The following PIK3C2G variants were observed in gnomAD, a reference collection of about 807,000 sequenced individuals.
The protein encoded by PIK3C2G is phosphatidylinositol 3-kinase C2 domain-containing subunit gamma.
A neutral mutation model predicts 181.1 loss-of-function variants in PIK3C2G; 168 were observed. The ratio of observed to expected loss-of-function variants is 0.93; its 90% CI spans 0.82 to 1.05. The LOEUF is 1.05. Ranked by LOEUF, PIK3C2G falls within the 50% of genes least tolerant of loss-of-function variation. The pLI, the probability that PIK3C2G is intolerant of heterozygous loss-of-function variation, is 0.00. For missense variants in PIK3C2G, 1,869 were observed against 1,732.8 expected (o/e 1.08, Z -1.40); for synonymous variants, 573 against 592.2 (o/e 0.97, Z 0.47).
chr12:18,476,071 C>T (rs11044133), intron 18 of PIK3C2G, among the ~76,000 whole-genome samples: 12,173 of 152,000 alleles, frequency 0.08, 674 homozygotes, highest in Non-Finnish European at 0.12. Context: ...AACTAAAACA[C>T]GATTTTTAAA....
chr12:18,669,077 A>G, the PIK3C2G span, among the ~76,000 whole-genome samples: 1 of 152,186 alleles, frequency 6.6e-6, no homozygotes, highest in Non-Finnish European at 1.5e-5. Context: ...TCTGTTCTGC[A>G]TTTTCATGGT....
At chr12:18,534,146 C>T (rs1943713477) in intron 24 of PIK3C2G, among the ~76,000 whole-genome samples, 1 of 151,510 alleles carries the variant, frequency 6.6e-6, no homozygotes, top group South Asian at 2.1e-4. Flanking sequence ...GATAGGGTTT[C>T]ACCATGTTGC....
At chr12:18,560,137 A>T (rs1945272627) in intron 26 of PIK3C2G, among the ~76,000 whole-genome samples, 1 of 150,848 alleles carries the variant, frequency 6.6e-6, no homozygotes, top group African/African-American at 2.4e-5. Flanking sequence ...GGCCAAAATA[A>T]TTTTTTTTTA....
At chr12:18,544,197 T>C (rs1426250376) in intron 25 of PIK3C2G, among the ~76,000 whole-genome samples, 1 of 151,744 alleles carries the variant, frequency 6.6e-6, no homozygotes, top group East Asian at 1.9e-4. Context: ...GTGTAGTAAA[T>C]GAAGGTAACC....
At chr12:18,531,814 G>A (rs1275953447) in intron 24 of PIK3C2G, among the ~76,000 whole-genome samples, 1 of 152,042 alleles carries the variant, frequency 6.6e-6, no homozygotes, top group Non-Finnish European at 1.5e-5. Flanking sequence ...GCATTTTCTG[G>A]CTATTAAGAA....
chr12:18,599,695 AAT>A (rs1947600193), intron 30 of PIK3C2G, among the ~76,000 whole-genome samples: 2 of 151,012 alleles, frequency 1.3e-5, no homozygotes, highest in African/African-American at 4.8e-5. Flanking sequence ...AAAAAATAAA[AAT>A]AAAAATAAAG....
At chr12:18,336,106 C>T (rs1591988720) in intron 8 of PIK3C2G, among the ~76,000 whole-genome samples, 1 of 152,126 alleles carries the variant, frequency 6.6e-6, no homozygotes, top group Middle Eastern at 3.4e-3. Context: ...TTTCATTTCT[C>T]TTATAAACTG....
intron 18 of PIK3C2G, among the ~76,000 whole-genome samples, chr12:18,474,062 G>A (rs774290728): frequency 2.0e-4 from 31 of 152,100 alleles, no homozygotes; most frequent in Admixed American, 6.6e-5. Context: ...TATTCAAACT[G>A]CCTATTTTTG....
chr12:18,716,097 A>T, the PIK3C2G span, among the ~76,000 whole-genome samples: 7,095 of 152,222 alleles, frequency 0.047, 390 homozygotes, highest in African/African-American at 0.13. Flanking sequence ...AACAATGTTT[A>T]TTTGTAAAGT....
chr12:18,379,290 C>A (rs1942674853), intron 13 of PIK3C2G, among the ~76,000 whole-genome samples: 1 of 145,272 alleles, frequency 6.9e-6, no homozygotes. Context: ...CACATGTTCT[C>A]ACTCATAGGT....
rs1941633305 is a variant in PIK3C2G, at chr12:18,503,435, T to A, written c.3153+18T>A. Reference sequence around the variant, plus strand: ...ATGAAAAGGTTTGTCCTGTTGCAGATCATTTTAAATAATGTACTTAAATAA... The same window carrying A: ...ATGAAAAGGTTTGTCCTGTTGCAGAACATTTTAAATAATGTACTTAAATAA... On this transcript the variant is annotated intron_variant, in intron 23 of 32. Coordinates refer to ENST00000538779, the MANE Select transcript of PIK3C2G (RefSeq NM_001288772.2). The A allele has an allele frequency of 1.3e-6, 2 of 1,552,234 alleles. No homozygotes were observed. The highest frequency in any genetic ancestry group is 1.7e-6 in the Non-Finnish European group (2 of 1,145,788).
chr12:18,648,153 A>G lies in PIK3C2G; in HGVS notation c.*125A>G. ...AGCACAGGGTATTAAGGACACAGAAAAAAAATCAGAATTAGTCTTTTGTGT... is the reference window on the plus strand; with the variant it reads ...AGCACAGGGTATTAAGGACACAGAAGAAAAATCAGAATTAGTCTTTTGTGT... On this transcript the variant is annotated 3_prime_UTR_variant, in exon 33 of 33. Transcript: ENST00000538779. The G allele has an allele frequency of 2.2e-6, 1 of 447,968 alleles. No homozygotes were observed. The highest frequency in any genetic ancestry group is 7.5e-5 in the South Asian group (1 of 13,264). The allele number at this position is 447,968 out of a possible 1,614,324, so 27.7% of individuals were successfully genotyped here. A position where few individuals can be genotyped will look rare whatever the true frequency, so the allele number is the denominator to read the frequency against.
the PIK3C2G span, among the ~76,000 whole-genome samples, chr12:18,685,868 ACATAC>A: frequency 2.1e-5 from 3 of 140,632 alleles, no homozygotes; most frequent in South Asian, 2.3e-4. Flanking sequence ...ACACACACAC[ACATAC>A]AATAATATGG....
the PIK3C2G span, among the ~76,000 whole-genome samples, chr12:18,687,420 A>G: frequency 2.0e-5 from 3 of 152,164 alleles, no homozygotes; most frequent in Admixed American, 6.6e-5. Flanking sequence ...GTCTCCTTCA[A>G]GGTGATCCTG....
the PIK3C2G span, among the ~76,000 whole-genome samples, chr12:18,676,743 T>C: frequency 1.3e-5 from 2 of 152,272 alleles, no homozygotes; most frequent in African/African-American, 4.8e-5. Context: ...CTTACCTTTC[T>C]TTCTTCAGCA....
At chr12:18,399,958 A>G in intron 16 of PIK3C2G, 111 bp downstream of exon 16, 1 of 528,460 alleles carries the variant, frequency 1.9e-6, no homozygotes, top group Non-Finnish European at 3.1e-6. Flanking sequence ...CTCAATTTTG[A>G]TAGTTATGGA....
chr12:18,524,142 A>G (rs190989890), intron 24 of PIK3C2G, among the ~76,000 whole-genome samples: 12 of 152,280 alleles, frequency 7.9e-5, no homozygotes, highest in Admixed American at 3.3e-4. Context: ...GAGACAAGAC[A>G]GGAGTGAGCC....
chr12:18,273,183 C>T (rs988860567), intron 1 of PIK3C2G, among the ~76,000 whole-genome samples: 1 of 152,148 alleles, frequency 6.6e-6, no homozygotes, highest in Non-Finnish European at 1.5e-5. Flanking sequence ...AAAGAGTTTT[C>T]TTAAAAATGC....
intron 25 of PIK3C2G, among the ~76,000 whole-genome samples, chr12:18,545,827 T>C (rs908588022): frequency 3.3e-5 from 5 of 151,958 alleles, no homozygotes; most frequent in Non-Finnish European, 7.4e-5. Flanking sequence ...GACATATCAC[T>C]TACAGTTTTG....
Sources: gnomAD v4.1 joint callset for allele counts (sites outside exome capture counted in the v4.1 genomes callset) on GRCh38, gnomAD v4.1.1 for gene constraint, MANE v1.5 for transcripts, NCBI Gene and HGNC (gene_info 2026-07-23, HGNC 2026-07-21) for gene names.